TMEM132C: variants seen among roughly 807,000 people sequenced by gnomAD.
TMEM132C encodes the protein transmembrane protein 132C, also known as protein phosphatase 1, regulatory subunit 152.
In TMEM132C, 29 loss-of-function variants were observed where a neutral mutation model predicts 61.4. The ratio of observed to expected loss-of-function variants is 0.47; its 90% CI spans 0.35 to 0.64. TMEM132C has a LOEUF of 0.64. TMEM132C is among the 30% of genes least tolerant of loss of function. TMEM132C has a pLI of 0.00. For missense variants in TMEM132C, 1,408 were observed against 1,476.9 expected (o/e 0.95, Z 0.76); for synonymous variants, 656 against 633.1 (o/e 1.04, Z -0.54).
At position 128,278,745 on chromosome 12, in the gene TMEM132C, CGTGTATGTGTGTGTGTGTGTGT is replaced by C. The variant is rs1446033191; in HGVS notation, c.85+11263_85+11284del. On this transcript the variant is annotated intron_variant, in intron 1 of 8. Transcript: ENST00000435159. The surrounding 1 kb of genome is among the most constrained non-coding windows in gnomAD (Gnocchi z 4.2). ...ATATTTGTGCAGACTTGATTCTATACGTGTATGTGTGTGTGTGTGTGTGTGTGTGTGTGTGTGTGTGTTTGGG... is the reference window on the plus strand; with the variant it reads ...ATATTTGTGCAGACTTGATTCTATACGTGTGTGTGTGTGTGTGTGTTTGGG... Among the ~76,000 whole-genome samples the C allele has an allele frequency of 7.4e-6, 1 of 135,582 alleles. No homozygotes were observed. The highest frequency in any genetic ancestry group is 1.6e-5 in the Non-Finnish European group (1 of 64,216). 88.9% of individuals were successfully genotyped at this position (135,582 alleles called of 152,430 possible).
chr12:128,595,156 A>AT (rs1487644399), intron 3 of TMEM132C, among the ~76,000 whole-genome samples: 18 of 152,054 alleles, frequency 1.2e-4, no homozygotes, highest in Admixed American at 1.0e-3. Context: ...TATCCACTGC[A>AT]TTTTTTCTGG....
intron 1 of TMEM132C, among the ~76,000 whole-genome samples, chr12:128,344,828 A>G (rs1051815020): frequency 1.3e-5 from 2 of 152,096 alleles, no homozygotes; most frequent in Non-Finnish European, 2.9e-5. Context: ...AGGTAGATCT[A>G]GATATCCAAA....
chr12:128,616,102 G>A, intron 3 of TMEM132C, 50 bp from the exon 4 acceptor site: 1 of 1,532,050 alleles, frequency 6.5e-7, no homozygotes, highest in Non-Finnish European at 8.8e-7. Flanking sequence ...AGGAGAGAAG[G>A]GTCCTTTGAA....
At chr12:128,619,340 G>A (rs1210858597) in intron 4 of TMEM132C, among the ~76,000 whole-genome samples, 3 of 152,176 alleles carry the variant, frequency 2.0e-5, no homozygotes, top group Admixed American at 6.5e-5. Flanking sequence ...AGAGAGCCAC[G>A]GATAGGAGGA....
At position 128,658,052 on chromosome 12, in the gene TMEM132C, G is replaced by T. The variant is rs577196587; in HGVS notation, c.1306-11365G>T. Among the ~76,000 whole-genome samples the T allele has an allele frequency of 5.2e-4, 77 of 148,688 alleles. 1 individual carries two copies. Among genetic ancestry groups the T allele is most frequent in the African/African-American group, 1.7e-3 (68 of 40,536 alleles). ...GCCACAAGGCAGGAGCAGGGACGCAGCTCCCATGGAGGCCTCAAGGCAGGA... is the reference window on the plus strand; with the variant it reads ...GCCACAAGGCAGGAGCAGGGACGCATCTCCCATGGAGGCCTCAAGGCAGGA... On this transcript the variant is annotated intron_variant, in intron 4 of 8. Transcript: ENST00000435159.
chr12:128,431,176 G>T (rs1869373154), intron 2 of TMEM132C, among the ~76,000 whole-genome samples: 1 of 152,186 alleles, frequency 6.6e-6, no homozygotes, highest in Non-Finnish European at 1.5e-5. Context: ...CAGCCCTCTG[G>T]CTGATATGGA....
At chr12:128,405,418 G>C (rs1487089700) in intron 1 of TMEM132C, among the ~76,000 whole-genome samples, 1 of 152,192 alleles carries the variant, frequency 6.6e-6, no homozygotes, top group Non-Finnish European at 1.5e-5. Flanking sequence ...GTGGTTGGCT[G>C]TTGGAGGTTC....
chr12:128,415,421 C>A lies in TMEM132C; in HGVS notation c.775C>A (p.Leu259Met), dbSNP rs1868744374. 6.4e-7 allele frequency: 1 copy of A among 1,551,314 alleles called. No individual in the cohort carries two copies. Reference protein sequence around the residue: ...GNAIRPGKDGLEETTSHLQRI... With the variant: ...GNAIRPGKDGMEETTSHLQRI... ...CGCCATCCGTCCAGGAAAGGATGGG[C>A]TGGAGGAAACCACGTCCCACCTGCA... The change falls in exon 2 of 9, where the codon CTG becomes ATG. Residue 259 changes from leucine (L) to methionine (M), a missense_variant. By Grantham distance (15) the Leu-to-Met change is conservative. Coordinates refer to ENST00000435159, the MANE Select transcript of TMEM132C (RefSeq NM_001136103.3). This position sits in a 1 kb window ranked among gnomAD's most constrained non-coding sequence, Gnocchi z 5.8.
At chr12:128,411,804 A>AAT (rs997571503) in intron 1 of TMEM132C, among the ~76,000 whole-genome samples, 26 of 152,242 alleles carry the variant, frequency 1.7e-4, no homozygotes, top group Admixed American at 3.9e-4. Flanking sequence ...TCTTTATCTG[A>AAT]ATATATATAT....
intron 4 of TMEM132C, among the ~76,000 whole-genome samples, chr12:128,661,976 T>A (rs1234197840): frequency 6.6e-6 from 1 of 152,150 alleles, no homozygotes; most frequent in Non-Finnish European, 1.5e-5. Context: ...ACTGGAAAGA[T>A]ACATGCCAAA....
chr12:128,507,475 A>C (rs1019364237), intron 2 of TMEM132C, among the ~76,000 whole-genome samples: 1 of 147,508 alleles, frequency 6.8e-6, no homozygotes, highest in South Asian at 2.1e-4. Flanking sequence ...AATCCAAAGG[A>C]CAGGATTTCT....
At chr12:128,604,737 AATGG>A (rs980807331) in intron 3 of TMEM132C, among the ~76,000 whole-genome samples, 6 of 152,082 alleles carry the variant, frequency 3.9e-5, no homozygotes, top group African/African-American at 1.4e-4. Context: ...GAAGATAGAT[AATGG>A]ATGGAGGGAT....
At chr12:128,303,591 C>T (rs1871666926) in intron 1 of TMEM132C, among the ~76,000 whole-genome samples, 2 of 152,196 alleles carry the variant, frequency 1.3e-5, no homozygotes, top group South Asian at 4.1e-4. Context: ...TGGTAAAATA[C>T]ATCCTGAGCC....
intron 5 of TMEM132C, among the ~76,000 whole-genome samples, chr12:128,688,622 C>G (rs1210944532): frequency 6.6e-6 from 1 of 152,104 alleles, no homozygotes; most frequent in Admixed American, 6.6e-5. Context: ...AAAAATCATT[C>G]TAAGTGTTTA....
rs370829722 is a variant in TMEM132C, at chr12:128,695,877, G to A, written c.1703G>A (p.Arg568Gln). 10 of 1,549,438 alleles carry A rather than the reference G, an allele frequency of 6.5e-6. No individual in the cohort carries two copies. The highest frequency in any genetic ancestry group is 2.7e-5 in the African/African-American group (2 of 73,054). Reference protein sequence around the residue: ...EDEDEEERRGRGCALQYQHAT... With the variant: ...EDEDEEERRGQGCALQYQHAT... ...GAGGACGAGGAGGAGCGGCGGGGCC[G>A]GGGCTGCGCACTGCAATACCAGCAC... is the stretch of plus-strand genomic sequence containing the variant. Residue 568 changes from arginine to glutamine, a missense_variant, in exon 7 of 9, where the codon CGG becomes CAG. By Grantham distance (43) the Arg-to-Gln change is conservative. Coordinates refer to ENST00000435159, the MANE Select transcript of TMEM132C (RefSeq NM_001136103.3).
At chr12:128,599,957 G>A (rs1212828972) in intron 3 of TMEM132C, among the ~76,000 whole-genome samples, 2 of 152,096 alleles carry the variant, frequency 1.3e-5, no homozygotes, top group Non-Finnish European at 2.9e-5. Context: ...GTTCTCACAA[G>A]ACCTGATGGT....
At chr12:128,548,847 T>C (rs1375535717) in intron 3 of TMEM132C, among the ~76,000 whole-genome samples, 1 of 152,212 alleles carries the variant, frequency 6.6e-6, no homozygotes, top group Non-Finnish European at 1.5e-5. Context: ...ACTATTTACA[T>C]AGCATTTACA....
intron 4 of TMEM132C, 68 bp downstream of exon 4, chr12:128,616,403 C>A (rs557278695): frequency 7.0e-7 from 1 of 1,428,776 alleles, no homozygotes; most frequent in Non-Finnish European, 9.5e-7. Context: ...TCCTTCCTAT[C>A]TGTCATGGGA....
intron 2 of TMEM132C, among the ~76,000 whole-genome samples, chr12:128,503,301 C>T (rs767731858): frequency 1.3e-5 from 2 of 152,272 alleles, no homozygotes; most frequent in African/African-American, 2.4e-5. Flanking sequence ...AGAAAATTCT[C>T]CCACCTTGGA....
Sources: gnomAD v4.1 joint callset for allele counts (sites outside exome capture counted in the v4.1 genomes callset) on GRCh38, gnomAD v4.1.1 for gene constraint, Gnocchi (gnomAD v3.1) non-coding constraint, MANE v1.5 for transcripts, NCBI Gene and HGNC (gene_info 2026-07-23, HGNC 2026-07-21) for gene names.